KIF13A: variants seen among roughly 807,000 people sequenced by gnomAD.
KIF13A encodes kinesin-like protein KIF13A.
A neutral mutation model predicts 212.2 loss-of-function variants in KIF13A; 79 were observed. The ratio of observed to expected loss-of-function variants is 0.37; its 90% CI spans 0.31 to 0.45. KIF13A has a LOEUF of 0.45. Ranked by LOEUF, KIF13A falls within the 20% of genes least tolerant of loss-of-function variation. KIF13A has a pLI of 1.00. For synonymous variants in KIF13A, 789 were observed against 808.6 expected, an observed-to-expected ratio of 0.98 and a Z score of 0.41; for missense variants, 1,901 against 2,209.0, an observed-to-expected ratio of 0.86 and a Z score of 2.79.
At chr6:17,952,812 C>T (rs951673951) in intron 2 of KIF13A, among the ~76,000 whole-genome samples, 2 of 151,748 alleles carry the variant, frequency 1.3e-5, no homozygotes, top group Admixed American at 6.6e-5. Flanking sequence ...CGCCTGTAGC[C>T]CCAGCTACTC....
At chr6:17,903,099 T>C (rs576369719) in intron 2 of KIF13A, among the ~76,000 whole-genome samples, 5 of 152,220 alleles carry the variant, frequency 3.3e-5, no homozygotes, top group Non-Finnish European at 7.3e-5. Flanking sequence ...TAGACCAGCA[T>C]TTCACAAGCA....
intron 30 of KIF13A, 33 bp downstream of exon 30, chr6:17,781,144 A>T: frequency 6.2e-7 from 1 of 1,613,322 alleles, no homozygotes; most frequent in Non-Finnish European, 8.5e-7. Flanking sequence ...TGCTAATCTG[A>T]AGCCTTTTAA....
At chr6:17,822,209 AT>A (rs1012826878) in intron 16 of KIF13A, among the ~76,000 whole-genome samples, 6 of 151,880 alleles carry the variant, frequency 4.0e-5, no homozygotes, top group African/African-American at 1.5e-4. Context: ...ACCTGGCTAA[AT>A]TTTTGTATTT....
At chr6:17,952,937 A>G (rs1778005472) in intron 2 of KIF13A, among the ~76,000 whole-genome samples, 1 of 152,114 alleles carries the variant, frequency 6.6e-6, no homozygotes, top group African/African-American at 2.4e-5. Context: ...CCAAAAAAAA[A>G]AAAAGAGAAG....
chr6:17,859,638 AT>A (rs1176958380), intron 4 of KIF13A, among the ~76,000 whole-genome samples: 4,269 of 111,744 alleles, frequency 0.038, 125 homozygotes, highest in East Asian at 0.086. Flanking sequence ...ATATATATAT[AT>A]TTTTTTTTTT....
intron 2 of KIF13A, among the ~76,000 whole-genome samples, chr6:17,931,345 A>G (rs1775968939): frequency 6.6e-6 from 1 of 152,318 alleles, no homozygotes; most frequent in African/African-American, 2.4e-5. Context: ...ATAGTATTCC[A>G]TGGAGTCTTA....
rs1759461700 is a variant in KIF13A, at chr6:17,771,170, C to T, written c.4525G>A (p.Gly1509Arg). 1.9e-6 allele frequency: 3 copies of T among 1,613,322 alleles called. No homozygotes were observed. Among genetic ancestry groups the T allele is most frequent in the South Asian group, 1.1e-5 (1 of 90,926 alleles). ...ACTGGCATGCTGCTGCCATTGCTTC[C>T]TGAGGGTACAATGCAGCCAGGGTTA... is the stretch of plus-strand genomic sequence containing the variant. ...AHNPGCIVPS[G>R]SNGSSMPVEH... The change falls in exon 38 of 39, where the codon GGA becomes AGA. Residue 1509 changes from glycine (G) to arginine (R), a missense_variant. Transcript: ENST00000259711. This position sits in a 1 kb window ranked among gnomAD's most constrained non-coding sequence, Gnocchi z 5.4.
intron 6 of KIF13A, among the ~76,000 whole-genome samples, chr6:17,853,038 C>T (rs888190082): frequency 3.3e-5 from 5 of 152,168 alleles, no homozygotes; most frequent in Non-Finnish European, 7.3e-5. Flanking sequence ...CAGGGCATCA[C>T]ATATTAATCA....
rs867074067 is a variant in KIF13A at position 17,859,636 on chromosome 6, A to T, written c.221-3514T>A. On this transcript the variant is annotated intron_variant, in intron 4 of 38. Transcript: ENST00000259711. ...CAATGTATTTTATATATATATATAT[A>T]TATTTTTTTTTTTTTTTTGAGACGA... 6.9e-3 allele frequency among the ~76,000 whole-genome samples: 764 copies of T among 111,032 alleles called. 10 individuals are homozygous for T. The highest frequency in any genetic ancestry group is 0.018 in the African/African-American group (502 of 28,416). The allele number at this position is 111,032 out of a possible 152,430, so 72.8% of individuals were successfully genotyped here.
In KIF13A at chr6:17,785,746, C is replaced by T; in HGVS notation, c.3362-105G>A. The stretch of plus-strand genomic sequence containing the variant: ...TGGGCAACATAGTGAGACCCCATCT[C>T]TACCAAAAAAAAAAAAATAGTTGGG... On this transcript the variant is annotated intron_variant, in intron 27 of 38. Coordinates refer to ENST00000259711, the MANE Select transcript of KIF13A (RefSeq NM_022113.6). The surrounding 1 kb of genome is among the most constrained non-coding windows in gnomAD (Gnocchi z 5.8). The T allele has an allele frequency of 8.5e-7, 1 of 1,179,958 alleles. No individual in the cohort carries two copies. Among genetic ancestry groups the T allele is most frequent in the South Asian group, 1.5e-5 (1 of 66,846 alleles). The allele number at this position is 1,179,958 out of a possible 1,614,324, so 73.1% of individuals were successfully genotyped here. A position where few individuals can be genotyped will look rare whatever the true frequency, so the allele number is the denominator to read the frequency against.
At chr6:17,976,437 G>C (rs1469957465) in intron 2 of KIF13A, among the ~76,000 whole-genome samples, 1 of 152,228 alleles carries the variant, frequency 6.6e-6, no homozygotes, top group African/African-American at 2.4e-5. Flanking sequence ...CGGGTGCTAA[G>C]CCCTTCATTG....
At chr6:17,958,272 A>G (rs754198632) in intron 2 of KIF13A, among the ~76,000 whole-genome samples, 2 of 152,190 alleles carry the variant, frequency 1.3e-5, no homozygotes, top group Non-Finnish European at 2.9e-5. Flanking sequence ...AAATTCCTCA[A>G]AAGATACTGA....
chr6:17,779,065 G>T lies in KIF13A; in HGVS notation c.3974C>A (p.Ala1325Asp). The part of the protein sequence containing the change: ...TEEIEDRETL[A>D]LLAARSENEG... Reference sequence around the variant, plus strand: ...GTTTTCACTCCTTGCTGCCAGGAGAGCCAGCGTTTCCCGGTCCTCTATCTC... The same window carrying T: ...GTTTTCACTCCTTGCTGCCAGGAGATCCAGCGTTTCCCGGTCCTCTATCTC... Residue 1325 changes from alanine (A) to aspartate (D), a missense_variant, in exon 33 of 39, where the codon GCT becomes GAT. Coordinates refer to ENST00000259711, the MANE Select transcript of KIF13A (RefSeq NM_022113.6). 6.2e-7 allele frequency: 1 copy of T among 1,613,672 alleles called. No homozygotes were observed. Among genetic ancestry groups the T allele is most frequent in the Non-Finnish European group, 8.5e-7 (1 of 1,179,806 alleles).
rs943096562 is a variant in KIF13A, at chr6:17,811,785, A to G, written c.2001-2855T>C. On this transcript the variant is annotated intron_variant, in intron 17 of 38. Coordinates refer to ENST00000259711, the MANE Select transcript of KIF13A (RefSeq NM_022113.6). The surrounding 1 kb of genome is among the most constrained non-coding windows in gnomAD (Gnocchi z 6.0). ...TGTCTTTGAATGACATTCCCAAAATATCTCATCTTTTTTTTTCTTCCTTCC... is the reference window on the plus strand; with the variant it reads ...TGTCTTTGAATGACATTCCCAAAATGTCTCATCTTTTTTTTTCTTCCTTCC... 2.0e-5 allele frequency among the ~76,000 whole-genome samples: 3 copies of G among 152,102 alleles called. No homozygotes were observed. The highest frequency in any genetic ancestry group is 2.9e-5 in the Non-Finnish European group (2 of 67,996).
At chr6:17,810,155 C>T (rs535359098) in intron 17 of KIF13A, among the ~76,000 whole-genome samples, 5 of 152,272 alleles carry the variant, frequency 3.3e-5, no homozygotes, top group African/African-American at 9.6e-5. Context: ...TCTACAATGT[C>T]CAAAAAATAA....
chr6:17,896,476 G>A (rs568412853), intron 3 of KIF13A, among the ~76,000 whole-genome samples: 1 of 152,106 alleles, frequency 6.6e-6, no homozygotes, highest in South Asian at 2.1e-4. Context: ...ATGAGGAAAG[G>A]CCTATATCTA....
intron 2 of KIF13A, among the ~76,000 whole-genome samples, chr6:17,904,806 A>G (rs1399676093): frequency 2.6e-5 from 4 of 152,256 alleles, no homozygotes; most frequent in Non-Finnish European, 5.9e-5. Flanking sequence ...GTGTGATCAG[A>G]GAAGTATCTT....
At chr6:17,983,853 G>C (rs1781321491) in intron 2 of KIF13A, among the ~76,000 whole-genome samples, 1 of 152,134 alleles carries the variant, frequency 6.6e-6, no homozygotes, top group Non-Finnish European at 1.5e-5. Context: ...GCACCCAGAA[G>C]CAATGTGTTG....
At chr6:17,964,754 C>T (rs1779145691) in intron 2 of KIF13A, among the ~76,000 whole-genome samples, 1 of 152,050 alleles carries the variant, frequency 6.6e-6, no homozygotes, top group South Asian at 2.1e-4. Flanking sequence ...TAGAGCTTCA[C>T]AGTTGTTTTG....
Sources: allele counts gnomAD v4.1 joint callset (sites outside exome capture counted in the v4.1 genomes callset), GRCh38; gene constraint gnomAD v4.1.1; non-coding constraint Gnocchi (gnomAD v3.1); transcripts MANE v1.5; gene names NCBI Gene and HGNC (gene_info 2026-07-23, HGNC 2026-07-21).